TAF6: variants seen among roughly 807,000 people sequenced by gnomAD.
The protein encoded by TAF6 is transcription initiation factor TFIID subunit 6.
In TAF6, 50 loss-of-function variants were observed where a neutral mutation model predicts 73.5. The observed-to-expected ratio is 0.68, with a 90% CI of 0.54 to 0.86. The LOEUF (loss-of-function observed/expected upper bound fraction) is 0.86. Ranked by LOEUF, TAF6 falls within the 40% of genes least tolerant of loss-of-function variation. The probability of loss-of-function intolerance (pLI) is 0.00; values close to 1 mark genes in which losing one functional copy is unlikely to be tolerated. For synonymous variants in TAF6, 424 were observed against 376.7 expected, an observed-to-expected ratio of 1.13 and a Z score of -1.45; for missense variants, 768 against 899.5, an observed-to-expected ratio of 0.85 and a Z score of 1.87.
chr7:100,113,946 C>G lies in TAF6; in HGVS notation c.165G>C (p.Leu55Phe), dbSNP rs749987027. ...YRIKEIAQDA[L>F]KFMHMGKRQK... ...GCCGCTTCCCCATGTGCATGAACTT[C>G]AAGGCATCCTGGGGTCGGTGACAGA... The change falls in exon 3 of 15, where the codon TTG (leucine) becomes TTC (phenylalanine). Residue 55 changes from leucine (L) to phenylalanine (F), a missense_variant. Physicochemically the swap from Leu to Phe is conservative, Grantham distance 22. Around this residue, in one of 5 missense-constraint regions of TAF6, gnomAD observed 269 missense variants for 268.0 expected, o/e 1.00. Coordinates refer to ENST00000453269, the MANE Select transcript of TAF6 (RefSeq NM_139315.3). The G allele has an allele frequency of 6.2e-7, 1 of 1,613,930 alleles. No individual in the cohort carries two copies. The highest frequency in any genetic ancestry group is 1.3e-5 in the African/African-American group (1 of 74,874).
At chr7:100,121,112 A>ATTT (rs1798040006), upstream of TAF6, 15 of 30,712 alleles carry the variant, frequency 4.9e-4, no homozygotes, top group Non-Finnish European at 7.0e-4. Context: ...ATATATATAT[A>ATTT]TATATTTTTT....
chr7:100,111,712 G>T lies in TAF6; in HGVS notation c.900+16C>A. On this transcript the variant is annotated intron_variant, in intron 9 of 14. Transcript: ENST00000453269. ...GTCCCTAGTCCCTGGAAGGGAGGAT[G>T]GGCAGGATCACTCACGTATTTTTCT... 1 of 1,612,668 alleles carries T rather than the reference G, an allele frequency of 6.2e-7. No homozygotes were observed. Among genetic ancestry groups the T allele is most frequent in the Non-Finnish European group, 8.5e-7 (1 of 1,178,714 alleles).
intron 1 of TAF6, chr7:100,116,656 A>G (rs1334624412): frequency 6.6e-6 from 1 of 151,950 alleles, no homozygotes; most frequent in Non-Finnish European, 1.5e-5. Context: ...AACAACAACA[A>G]CAACAAAAAA....
In TAF6 at chr7:100,112,359, T is replaced by G. The variant is rs185827474; in HGVS notation, c.575-106A>C. ...CCCCTGAGACCCAGGAGACCTGGCT[T>G]CTTCTTAGGCTCCCCCATCCTTTCT... is the stretch of plus-strand genomic sequence containing the variant. On this transcript the variant is annotated intron_variant, in intron 6 of 14. Transcript: ENST00000453269. 524 of 1,453,616 alleles carry G rather than the reference T, an allele frequency of 3.6e-4. No individual in the cohort carries two copies. In the East Asian group the frequency reaches 9.8e-3, roughly 27 times the overall value. The allele number at this position is 1,453,616 out of a possible 1,614,324, so 90.0% of individuals were successfully genotyped here.
chr7:100,113,311 G>A (rs1797369387), intron 5 of TAF6, 38 bp downstream of exon 5: 4 of 1,535,392 alleles, frequency 2.6e-6, no homozygotes, highest in East Asian at 2.3e-5. Context: ...GAAGGGGAAA[G>A]GGACCCAGAG....
intron 1 of TAF6, among the ~76,000 whole-genome samples, chr7:100,117,978 G>C (rs1430000843): frequency 1.3e-5 from 2 of 151,602 alleles, no homozygotes; most frequent in Non-Finnish European, 2.9e-5. Flanking sequence ...CCCGGGAGGC[G>C]GAGCTTGCAG....
chr7:100,110,977 C>A (rs1399032981), intron 10 of TAF6, among the ~76,000 whole-genome samples, 162 bp downstream of exon 10: 1 of 95,224 alleles, frequency 1.1e-5, no homozygotes, highest in East Asian at 5.6e-4. Context: ...GAGACTCCAT[C>A]TCAAAAAAAA....
the TAF6 span, chr7:100,124,902 G>C: frequency 1.2e-5 from 19 of 1,570,908 alleles, no homozygotes; most frequent in Middle Eastern, 1.7e-4. Context: ...TTGCCTTTGA[G>C]CCCCCAGGAG....
At chr7:100,125,227 A>G in the TAF6 span, 1 of 251,762 alleles carries the variant, frequency 4.0e-6, no homozygotes, top group Non-Finnish European at 7.6e-6. Flanking sequence ...GGCTTTGGGG[A>G]AGTCACTTAG....
rs752864526 is a variant in TAF6, at chr7:100,113,598, G to A, written c.397+18C>T. On this transcript the variant is annotated intron_variant, in intron 4 of 14. Coordinates refer to ENST00000453269, the MANE Select transcript of TAF6 (RefSeq NM_139315.3). ...TCCTTTCCCTCCTCCCTGCCACCCTGCTCTCCCCTCCCCCAACCTTTGAGG... is the reference window on the plus strand; with the variant it reads ...TCCTTTCCCTCCTCCCTGCCACCCTACTCTCCCCTCCCCCAACCTTTGAGG... The A allele has an allele frequency of 3.1e-6, 5 of 1,612,960 alleles. No homozygotes were observed. The highest frequency in any genetic ancestry group is 2.2e-5 in the East Asian group (1 of 44,870).
In TAF6 at chr7:100,107,341, T is replaced by C; in HGVS notation, c.1939A>G (p.Lys647Glu). 1 of 1,547,720 alleles carries C rather than the reference T, an allele frequency of 6.5e-7. No individual in the cohort carries two copies. The highest frequency in any genetic ancestry group is 1.2e-5 in the South Asian group (1 of 80,750). Residue 647 changes from lysine (K) to glutamate (E), a missense_variant, in exon 15 of 15, where the codon AAG becomes GAG. By Grantham distance (56) the Lys-to-Glu change is moderately conservative (BLOSUM62 1). Around this residue, in one of 5 missense-constraint regions of TAF6, gnomAD observed 350 missense variants for 352.3 expected, o/e 0.99. Coordinates refer to ENST00000453269, the MANE Select transcript of TAF6 (RefSeq NM_139315.3). ...GGGGGACTGTCCCCAGCCTCCTGCT[T>C]CCCCCCACAAAGGGCACTGCCGCTG... is the stretch of plus-strand genomic sequence containing the variant. ...PLSGSALCGG[K>E]QEAGDSPPPA...
chr7:100,112,967 G>A (rs771149154), intron 5 of TAF6, 50 bp from the exon 6 acceptor site: 23 of 1,574,636 alleles, frequency 1.5e-5, no homozygotes, highest in Middle Eastern at 1.7e-4. Flanking sequence ...TAGTAGAAAA[G>A]TAAAAGGTGG....
At position 100,107,181 on chromosome 7, in the gene TAF6, TGTGTGTACGTGCAC is replaced by T. The variant is rs1402192692; in HGVS notation, c.*51_*64del. The T allele has an allele frequency of 1.3e-5, 20 of 1,516,764 alleles. No individual in the cohort carries two copies. The highest frequency in any genetic ancestry group is 1.7e-5 in the Non-Finnish European group (19 of 1,134,888). 94.0% of individuals were successfully genotyped at this position (1,516,764 alleles called of 1,614,324 possible). A position where few individuals can be genotyped will look rare whatever the true frequency, so the allele number is the denominator to read the frequency against. On this transcript the variant is annotated 3_prime_UTR_variant, in exon 15 of 15. Coordinates refer to ENST00000453269, the MANE Select transcript of TAF6 (RefSeq NM_139315.3). ...CTTCCTTCCGCTTAGCGAGCATGCA[TGTGTGTACGTGCAC>T]GTGTGTACATGTCTGCATGTGTGGG...
In TAF6 at chr7:100,107,589, C is replaced by A; in HGVS notation, c.1691G>T (p.Gly564Val). 1.2e-6 allele frequency: 2 copies of A among 1,613,576 alleles called. No individual in the cohort carries two copies. Among genetic ancestry groups the A allele is most frequent in the Admixed American group, 3.3e-5 (2 of 59,960 alleles). The change falls in exon 15 of 15, where the codon GGT (glycine) becomes GTT (valine). Residue 564 changes from glycine (G) to valine (V), a missense_variant. This residue lies in a region of TAF6 where 350 missense variants were observed against 352.3 expected (regional missense o/e 0.99). Transcript: ENST00000453269. ...LSLSTSAPGS[G>V]STTTSPVTTT... ...GGTGACGGGCGAAGTGGTGGTGGAA[C>A]CTGAGCCGGGGGCCGAGGTGCTGAG... is the stretch of plus-strand genomic sequence containing the variant.
chr7:100,114,533 A>G (rs962093669), intron 1 of TAF6: 1 of 598,510 alleles, frequency 1.7e-6, no homozygotes, highest in Non-Finnish European at 3.0e-6. Context: ...CAGCCTGGCC[A>G]ACATGGAGAA....
upstream of TAF6, chr7:100,119,758 G>T: frequency 6.2e-7 from 1 of 1,614,192 alleles, no homozygotes; most frequent in Non-Finnish European, 8.5e-7. Flanking sequence ...GGACCTGTGC[G>T]GTTGGGAATA....
chr7:100,123,859 G>A (rs969235399), upstream of TAF6, among the ~76,000 whole-genome samples: 5 of 152,328 alleles, frequency 3.3e-5, no homozygotes, highest in East Asian at 1.9e-4. Flanking sequence ...GGCCAGGTGC[G>A]ATGGCTCACG....
At chr7:100,125,713 G>C in the TAF6 span, among the ~76,000 whole-genome samples, 7 of 152,122 alleles carry the variant, frequency 4.6e-5, no homozygotes, top group African/African-American at 1.7e-4. Context: ...TACTGCAGAG[G>C]TGGAGATGGG....
Position 100,107,293 on chromosome 7 carries a change from CT to C in TAF6, c.1986del (p.Ala663ProfsTer42), listed in dbSNP as rs1796616467. ...DSPPPAPGTPKANGSQPNSGS... is the reference protein window; with the variant it reads ...DSPPPAPGTPXANGSQPNSGS... ...CCGGAGTTGGGCTGGGAGCCATTGG[CT>C]TTTGGAGTCCCTGGAGCTGGAGGGG... On this transcript the variant is annotated frameshift_variant, in exon 15 of 15. Coordinates refer to ENST00000453269, the MANE Select transcript of TAF6 (RefSeq NM_139315.3). LOFTEE classifies it high-confidence loss of function. 1.3e-6 allele frequency: 2 copies of C among 1,524,806 alleles called. No individual in the cohort carries two copies. The highest frequency in any genetic ancestry group is 1.8e-6 in the Non-Finnish European group (2 of 1,138,664). The allele number at this position is 1,524,806 out of a possible 1,614,324, so 94.5% of individuals were successfully genotyped here. A position where few individuals can be genotyped will look rare whatever the true frequency, so the allele number is the denominator to read the frequency against.
Sources: allele counts gnomAD v4.1 joint callset (sites outside exome capture counted in the v4.1 genomes callset), GRCh38; gene constraint gnomAD v4.1.1; regional missense constraint gnomAD v4.1.1; transcripts MANE v1.5; gene names NCBI Gene and HGNC (gene_info 2026-07-23, HGNC 2026-07-21).